FAT3: variants seen among roughly 807,000 people sequenced by gnomAD.
FAT3 encodes protocadherin Fat 3.
In FAT3, 95 loss-of-function variants were observed where a neutral mutation model predicts 310.2. That is an observed-to-expected ratio of 0.31 (90% CI 0.26 to 0.36). The LOEUF (loss-of-function observed/expected upper bound fraction) is 0.36, where lower values mean the gene tolerates loss of function less well. Ranked by LOEUF, FAT3 falls within the 10% of genes least tolerant of loss-of-function variation. FAT3 has a pLI of 1.00. For missense variants in FAT3, 5,408 were observed against 5,715.6 expected, an observed-to-expected ratio of 0.95 and a Z score of 1.74; for synonymous variants, 2,314 against 2,192.9, an observed-to-expected ratio of 1.06 and a Z score of -1.54.
At chr11:92,494,234 AG>A in intron 2 of FAT3, among the ~76,000 whole-genome samples, 1 of 152,050 alleles carries the variant, frequency 6.6e-6, no homozygotes, top group Middle Eastern at 3.4e-3. Flanking sequence ...ACCTCACACC[AG>A]GGTCCCTCCC....
chr11:92,799,807 C>T lies in FAT3; in HGVS notation c.6794C>T (p.Thr2265Ile), dbSNP rs1326044489. ...KLTIRASDALTGARAEVTVDL... is the reference protein window; with the variant it reads ...KLTIRASDALIGARAEVTVDL... ...ACAATAAGAGCCAGCGACGCCCTTA[C>T]TGGTGCTAGGGCTGAAGTCACTGTT... The change falls in exon 10 of 28, where the codon ACT (threonine) becomes ATT (isoleucine). Residue 2265 changes from threonine (T) to isoleucine (I), a missense_variant. Thr to Ile is a moderately conservative substitution (Grantham distance 89). Coordinates refer to ENST00000525166, the MANE Select transcript of FAT3 (RefSeq NM_001367949.2). 6.2e-7 allele frequency: 1 copy of T among 1,613,218 alleles called. No individual in the cohort carries two copies. The highest frequency in any genetic ancestry group is 8.5e-7 in the Non-Finnish European group (1 of 1,179,552).
intron 1 of FAT3, among the ~76,000 whole-genome samples, chr11:92,340,826 A>G (rs1032135971): frequency 2.0e-5 from 3 of 152,092 alleles, no homozygotes; most frequent in African/African-American, 7.2e-5. Flanking sequence ...ATAATAAATA[A>G]CTTTAATGGG....
intron 2 of FAT3, among the ~76,000 whole-genome samples, chr11:92,412,734 T>C (rs367617246): frequency 2.5e-4 from 3 of 11,880 alleles, no homozygotes; most frequent in African/African-American, 3.5e-4. Flanking sequence ...TATATATATA[T>C]ATATATATAT....
chr11:92,691,120 A>G (rs1040623413), intron 3 of FAT3, among the ~76,000 whole-genome samples: 5 of 152,244 alleles, frequency 3.3e-5, no homozygotes, highest in African/African-American at 1.2e-4. Context: ...CAGGGAAGGA[A>G]GAAGACTAAT....
intron 2 of FAT3, among the ~76,000 whole-genome samples, chr11:92,466,519 G>T (rs1467835914): frequency 6.6e-6 from 1 of 151,232 alleles, no homozygotes; most frequent in Admixed American, 6.6e-5. Flanking sequence ...CACTCGCCTG[G>T]CCAGGTAGCC....
At chr11:92,727,000 T>G (rs911233765) in intron 4 of FAT3, among the ~76,000 whole-genome samples, 5 of 152,110 alleles carry the variant, frequency 3.3e-5, no homozygotes, top group Non-Finnish European at 7.3e-5. Context: ...AAAATACTGC[T>G]CTTATGACAA....
intron 1 of FAT3, among the ~76,000 whole-genome samples, chr11:92,227,448 G>A (rs1030277691): frequency 2.0e-5 from 3 of 152,150 alleles, no homozygotes; most frequent in African/African-American, 7.2e-5. Flanking sequence ...GGATCCAGGC[G>A]GCAAACTCAG....
At chr11:92,795,861 T>C (rs560226544) in intron 9 of FAT3, among the ~76,000 whole-genome samples, 78 of 152,168 alleles carry the variant, frequency 5.1e-4, no homozygotes, top group Middle Eastern at 6.8e-3. Flanking sequence ...TGAGCCAAGA[T>C]TGCACCACTG....
At chr11:92,645,585 T>C (rs1466982453) in intron 3 of FAT3, among the ~76,000 whole-genome samples, 1 of 152,300 alleles carries the variant, frequency 6.6e-6, no homozygotes, top group East Asian at 1.9e-4. Context: ...TGACTTGTCT[T>C]GTTAGTAACT....
At chr11:92,824,526 C>T (rs183690699) in intron 13 of FAT3, among the ~76,000 whole-genome samples, 4 of 152,190 alleles carry the variant, frequency 2.6e-5, no homozygotes, top group African/African-American at 9.6e-5. Flanking sequence ...CAATATGTAT[C>T]TTTTCTGCAT....
chr11:92,384,458 C>A (rs553231574), intron 2 of FAT3, among the ~76,000 whole-genome samples: 1 of 152,294 alleles, frequency 6.6e-6, no homozygotes, highest in Non-Finnish European at 1.5e-5. Context: ...GGAATTCTGT[C>A]CATGAGACCA....
chr11:92,870,981 T>C (rs1742685913), intron 22 of FAT3, among the ~76,000 whole-genome samples: 1 of 152,124 alleles, frequency 6.6e-6, no homozygotes, highest in Non-Finnish European at 1.5e-5. Flanking sequence ...AGGGGCTAAG[T>C]CGGTAGCCTA....
rs1235543475 is a variant in FAT3, at chr11:92,809,955, C to G, written c.9360C>G (p.Ile3120Met). The G allele has an allele frequency of 1.9e-6, 3 of 1,613,858 alleles. No homozygotes were observed. The highest frequency in any genetic ancestry group is 2.5e-6 in the Non-Finnish European group (3 of 1,179,774). ...GRFCQSNIHLILEDVNDNPPV... is the reference protein window; with the variant it reads ...GRFCQSNIHLMLEDVNDNPPV... ...TCTGCCAGTCCAACATCCACCTAAT[C>G]CTGGAGGATGTGAATGATAACCCCC... Residue 3120 changes from isoleucine to methionine, a missense_variant, in exon 13 of 28, where the codon ATC (isoleucine) becomes ATG (methionine). By Grantham distance (10) the Ile-to-Met change is conservative. Coordinates refer to ENST00000525166, the MANE Select transcript of FAT3 (RefSeq NM_001367949.2).
Position 92,880,751 on chromosome 11 carries a change from T to A in FAT3, c.12148T>A (p.Ser4050Thr), listed in dbSNP as rs1416401002. The change falls in exon 23 of 28, where the codon TCA becomes ACA. Residue 4050 changes from serine (S) to threonine (T), a missense_variant. By Grantham distance (58) the Ser-to-Thr change is moderately conservative (BLOSUM62 1). Around this residue, in one of 5 missense-constraint regions of FAT3, gnomAD observed 14 missense variants for 34.4 expected, o/e 0.41. Coordinates refer to ENST00000525166, the MANE Select transcript of FAT3 (RefSeq NM_001367949.2). ...CCCAGGCTATCAGTGTACCTGTCTC[T>A]CACAGTTTACGGGGAGAAACTGTGA... ...PSGGYQCTCLSQFTGRNCESE... is the reference protein window; with the variant it reads ...PSGGYQCTCLTQFTGRNCESE... 4 of 1,613,706 alleles carry A rather than the reference T, an allele frequency of 2.5e-6. No homozygotes were observed. Among genetic ancestry groups the A allele is most frequent in the Non-Finnish European group, 3.4e-6 (4 of 1,179,804 alleles).
intron 3 of FAT3, among the ~76,000 whole-genome samples, chr11:92,553,555 T>A (rs565412762): frequency 1.8e-4 from 28 of 152,350 alleles, no homozygotes; most frequent in Middle Eastern, 6.8e-3. Flanking sequence ...TAAAACCAGA[T>A]GTTTCTGTGC....
At position 92,490,689 on chromosome 11, in the gene FAT3, C is replaced by T. The variant is rs116804434; in HGVS notation, c.3293-33945C>T. On this transcript the variant is annotated intron_variant, in intron 2 of 27. Coordinates refer to ENST00000525166, the MANE Select transcript of FAT3 (RefSeq NM_001367949.2). ...TGAAGGAAAAAAGCTCAATTTTTAT[C>T]CTGAGTTTTAAAAAATTAGACAGTA... 3.9e-3 allele frequency among the ~76,000 whole-genome samples: 589 copies of T among 152,082 alleles called. 3 individuals carry two copies. The highest frequency in any genetic ancestry group is 0.014 in the African/African-American group (568 of 41,516).
In FAT3 at chr11:92,225,131, G is replaced by A. The variant is rs1863847811; in HGVS notation, c.-61G>A. On this transcript the variant is annotated 5_prime_UTR_variant, in exon 1 of 28. Coordinates refer to ENST00000525166, the MANE Select transcript of FAT3 (RefSeq NM_001367949.2). ...CGAGCACCGGGTGAAGAAGACCACG[G>A]GGGAGGCGCCTCGTAGAGCCGTGGA... is the stretch of plus-strand genomic sequence containing the variant. Among the ~76,000 whole-genome samples the A allele has an allele frequency of 6.6e-6, 1 of 152,146 alleles. No individual in the cohort carries two copies.
At chr11:92,550,230 G>A (rs1018101028) in intron 3 of FAT3, among the ~76,000 whole-genome samples, 1 of 152,040 alleles carries the variant, frequency 6.6e-6, no homozygotes. Flanking sequence ...TTTCCAAAAG[G>A]GGTCTTTTTT....
rs553177815 is a variant in FAT3, at chr11:92,329,204, A to C, written c.-17-22892A>C. Among the ~76,000 whole-genome samples the C allele has an allele frequency of 1.3e-3, 204 of 151,882 alleles. 2 individuals carry two copies. The highest frequency in any genetic ancestry group is 4.8e-3 in the African/African-American group (200 of 41,360). On this transcript the variant is annotated intron_variant, in intron 1 of 27. Transcript: ENST00000525166. ...GGTCCACTCCAAACCTCATGTTGAA[A>C]TTTGATCCTAATGTTGGAGGTGAGG...
Sources: gnomAD v4.1 joint callset for allele counts (sites outside exome capture counted in the v4.1 genomes callset) on GRCh38, gnomAD v4.1.1 for gene constraint, gnomAD v4.1.1 regional missense constraint, MANE v1.5 for transcripts, NCBI Gene and HGNC (gene_info 2026-07-23, HGNC 2026-07-21) for gene names.